Variants in PTPRN2 observed in about 807,000 individuals in gnomAD.
The protein encoded by PTPRN2 is receptor-type tyrosine-protein phosphatase N2.
A neutral mutation model predicts 118.8 loss-of-function variants in PTPRN2; 74 were observed. The observed-to-expected ratio is 0.62, with a 90% CI of 0.52 to 0.76. PTPRN2 has a LOEUF of 0.76. PTPRN2 is among the 30% of genes least tolerant of loss of function. PTPRN2 has a pLI of 0.00. For missense variants in PTPRN2, 1,481 were observed against 1,394.4 expected, an observed-to-expected ratio of 1.06 and a Z score of -0.99; for synonymous variants, 641 against 608.0, an observed-to-expected ratio of 1.05 and a Z score of -0.80.
Position 158,205,803 on chromosome 7 carries a change from G to C in PTPRN2, c.278-530C>G, listed in dbSNP as rs1827093154. Among the ~76,000 whole-genome samples the C allele has an allele frequency of 3.3e-5, 5 of 152,150 alleles. No homozygotes were observed. In the South Asian group the frequency reaches 1.0e-3, roughly 32 times the overall value. On this transcript the variant is annotated intron_variant, in intron 3 of 22. Transcript: ENST00000389418. ...AGAGAGCACAGTGATAGTGGGACTT[G>C]GTATTGGAACTCGGTGCTGCCCTGT...
chr7:158,320,576 CCACGTCCTCGGCAGCGCTGGGT>C (rs1802927838), intron 2 of PTPRN2, among the ~76,000 whole-genome samples: 1 of 99,700 alleles, frequency 1.0e-5, no homozygotes, highest in African/African-American at 4.5e-5. Context: ...GTCCGTGTTC[CCACGTCCTCGGCAGCGCTGGGT>C]GACACTTGGA....
chr7:157,896,629 T>G (rs1407281182), intron 12 of PTPRN2, among the ~76,000 whole-genome samples: 2 of 151,140 alleles, frequency 1.3e-5, no homozygotes, highest in African/African-American at 4.9e-5. Flanking sequence ...TCCCCCAGGC[T>G]CACGTGTGCG....
chr7:158,432,548 G>A (rs933174463), intron 2 of PTPRN2, among the ~76,000 whole-genome samples: 2 of 152,200 alleles, frequency 1.3e-5, no homozygotes, highest in Admixed American at 1.3e-4. Context: ...GGTTTTCTGA[G>A]ACTATCAGTA....
intron 11 of PTPRN2, among the ~76,000 whole-genome samples, chr7:157,957,784 C>A (rs1262931592): frequency 1.3e-5 from 2 of 152,134 alleles, no homozygotes; most frequent in African/African-American, 2.4e-5. Context: ...CCTGCAGTCA[C>A]TGGTTTGATG....
At chr7:158,431,658 ACACACTGGCT>A (rs981670364) in intron 2 of PTPRN2, among the ~76,000 whole-genome samples, 10 of 140,610 alleles carry the variant, frequency 7.1e-5, no homozygotes, top group Non-Finnish European at 1.4e-4. Context: ...CACATCGAGC[ACACACTGGCT>A]CACACTGGGC....
chr7:158,397,695 A>T (rs1812628549), intron 2 of PTPRN2, among the ~76,000 whole-genome samples: 1 of 152,026 alleles, frequency 6.6e-6, no homozygotes, highest in Non-Finnish European at 1.5e-5. Context: ...TGACAACAAC[A>T]TCCCTCTCAG....
chr7:157,589,512 G>A (rs1351875483), intron 17 of PTPRN2, among the ~76,000 whole-genome samples: 1 of 152,216 alleles, frequency 6.6e-6, no homozygotes, highest in Admixed American at 6.5e-5. Flanking sequence ...GGATCCAGGA[G>A]TGGACCATGG....
At chr7:158,088,237 T>G (rs376314478) in intron 10 of PTPRN2, among the ~76,000 whole-genome samples, 29 of 33,544 alleles carry the variant, frequency 8.6e-4, no homozygotes, top group Admixed American at 1.3e-3. Context: ...CTTCCCCTGA[T>G]GAAGGAGGGA....
rs1804760989 is a variant in PTPRN2 at position 157,794,805 on chromosome 7, A to T, written c.1788+103868T>A. On this transcript the variant is annotated intron_variant, in intron 12 of 22. Transcript: ENST00000389418. This position sits in a 1 kb window ranked among gnomAD's most constrained non-coding sequence, Gnocchi z 5.2. ...CTTCTCTCCCAGTAACCTTTTCCAG[A>T]GGAAACCTCTTTGAAATATCACAAG... Among the ~76,000 whole-genome samples, 2 of 152,334 alleles carry T rather than the reference A, an allele frequency of 1.3e-5. No individual in the cohort carries two copies. Among genetic ancestry groups the T allele is most frequent in the South Asian group, 2.1e-4 (1 of 4,824 alleles).
intron 11 of PTPRN2, among the ~76,000 whole-genome samples, chr7:157,918,917 A>G (rs1204721361): frequency 6.6e-6 from 1 of 152,174 alleles, no homozygotes; most frequent in Non-Finnish European, 1.5e-5. Flanking sequence ...CTTTAACTGC[A>G]CCCGGCACTA....
At position 158,470,455 on chromosome 7, in the gene PTPRN2, G is replaced by A. The variant is rs561289940; in HGVS notation, c.163+19280C>T. 3.3e-4 allele frequency among the ~76,000 whole-genome samples: 50 copies of A among 152,346 alleles called. 1 individual carries two copies. In the South Asian group the frequency reaches 0.01, roughly 31 times the overall value. On this transcript the variant is annotated intron_variant, in intron 2 of 22. Coordinates refer to ENST00000389418, the MANE Select transcript of PTPRN2 (RefSeq NM_002847.5). The stretch of plus-strand genomic sequence containing the variant: ...GAGCTCAGCTCCTGAAAAGGTTCAC[G>A]CGAGGATGCTCACAGCAGCCAAATG...
chr7:158,341,120 CGTCACTCACACCCACAG>C (rs1269484254), intron 2 of PTPRN2, among the ~76,000 whole-genome samples: 255 of 21,450 alleles, frequency 0.012, 10 homozygotes, highest in Non-Finnish European at 0.015. Context: ...CACACCCACA[CGTCACTCACACCCACAG>C]TCTCACCATA....
intron 11 of PTPRN2, among the ~76,000 whole-genome samples, chr7:158,068,296 C>T (rs76569329): frequency 0.058 from 8,822 of 152,276 alleles, 529 homozygotes; most frequent in African/African-American, 0.15. Flanking sequence ...TTGCTGTCCC[C>T]GTGGGGTGCC....
In PTPRN2 at chr7:157,980,404, C is replaced by T. The variant is rs556964748; in HGVS notation, c.1724-81667G>A. Reference sequence around the variant, plus strand: ...AAACTAAATTACTCCAGCTATTTGTCGGAGTTGGAAAAGAAACTTCTAGGA... The same window carrying T: ...AAACTAAATTACTCCAGCTATTTGTTGGAGTTGGAAAAGAAACTTCTAGGA... On this transcript the variant is annotated intron_variant, in intron 11 of 22. Coordinates refer to ENST00000389418, the MANE Select transcript of PTPRN2 (RefSeq NM_002847.5). 2.0e-5 allele frequency among the ~76,000 whole-genome samples: 3 copies of T among 152,282 alleles called. No homozygotes were observed. The East Asian group carries it at 5.8e-4, about 29-fold the overall frequency.
intron 2 of PTPRN2, among the ~76,000 whole-genome samples, chr7:158,380,552 T>C (rs1810890993): frequency 1.3e-5 from 2 of 152,158 alleles, no homozygotes; most frequent in Non-Finnish European, 2.9e-5. Context: ...CTTTGCAGAG[T>C]AAAGCCTCCC....
chr7:158,234,832 C>T (rs984300438), intron 3 of PTPRN2, among the ~76,000 whole-genome samples: 1 of 152,066 alleles, frequency 6.6e-6, no homozygotes, highest in Non-Finnish European at 1.5e-5. Context: ...GCACAATCTC[C>T]GCTCACTGCA....
chr7:158,520,204 C>T (rs748272588), intron 1 of PTPRN2, among the ~76,000 whole-genome samples: 3 of 152,212 alleles, frequency 2.0e-5, no homozygotes, highest in Non-Finnish European at 4.4e-5. Flanking sequence ...AGAAGGACTT[C>T]CATCCCCTAA....
At chr7:158,400,394 A>G (rs569608292) in intron 2 of PTPRN2, among the ~76,000 whole-genome samples, 1 of 152,068 alleles carries the variant, frequency 6.6e-6, no homozygotes, top group African/African-American at 2.4e-5. Flanking sequence ...CTCTGTGTCT[A>G]CCAGACACAC....
At chr7:158,501,857 A>C (rs1484193256) in intron 1 of PTPRN2, among the ~76,000 whole-genome samples, 6 of 152,154 alleles carry the variant, frequency 3.9e-5, no homozygotes, top group Admixed American at 3.9e-4. Flanking sequence ...CTACCCCTGA[A>C]AGTGAGACAG....
Sources: allele counts gnomAD v4.1 joint callset (sites outside exome capture counted in the v4.1 genomes callset), GRCh38; gene constraint gnomAD v4.1.1; non-coding constraint Gnocchi (gnomAD v3.1); transcripts MANE v1.5; gene names NCBI Gene and HGNC (gene_info 2026-07-23, HGNC 2026-07-21).